Variants in ZNF490 observed in about 807,000 individuals in gnomAD.
The protein encoded by ZNF490 is zinc finger protein 490.
ZNF490 carries 11 observed loss-of-function variants against 17.7 expected under a neutral mutation model. The observed-to-expected ratio is 0.62, with a 90% CI of 0.39 to 1.03. The LOEUF (loss-of-function observed/expected upper bound fraction) is 1.03. ZNF490 is among the 50% of genes least tolerant of loss of function. ZNF490 has a pLI of 0.00. For missense variants in ZNF490, 542 were observed against 643.4 expected (o/e 0.84, Z 1.71); for synonymous variants, 222 against 216.1 (o/e 1.03, Z -0.24).
chr19:12,584,298 A>G lies in ZNF490; in HGVS notation c.163-742T>C, dbSNP rs548622977. 6.7e-5 allele frequency among the ~76,000 whole-genome samples: 6 copies of G among 90,020 alleles called. No individual in the cohort carries two copies. In the South Asian group the frequency reaches 1.8e-3, roughly 27 times the overall value. The allele number at this position is 90,020 out of a possible 152,430, so 59.1% of individuals were successfully genotyped here. On this transcript the variant is annotated intron_variant, in intron 2 of 4. Transcript: ENST00000311437. ...CAACCTCCCAAGTAGCTGGGACTAC[A>G]GGCGCGTGCCACCACGCCCAGCTAA...
Position 12,610,797 on chromosome 19 carries a change from G to C in ZNF490, c.-117C>G. The C allele has an allele frequency of 9.2e-7, 1 of 1,084,722 alleles. No homozygotes were observed. The highest frequency in any genetic ancestry group is 1.4e-6 in the Non-Finnish European group (1 of 721,262). The allele number at this position is 1,084,722 out of a possible 1,614,324, so 67.2% of individuals were successfully genotyped here. A position where few individuals can be genotyped will look rare whatever the true frequency, so the allele number is the denominator to read the frequency against. On this transcript the variant is annotated 5_prime_UTR_variant, in exon 1 of 5. Transcript: ENST00000311437. ...AGGGCACCAGTTCCGTCCCACCGGC[G>C]GAAGCGAGATCTGCCTAGCTACTAG...
At chr19:12,598,536 G>A (rs921906729) in intron 2 of ZNF490, among the ~76,000 whole-genome samples, 1 of 150,980 alleles carries the variant, frequency 6.6e-6, no homozygotes, top group African/African-American at 2.4e-5. Flanking sequence ...CACCACGCCC[G>A]GCTAATTTTG....
At chr19:12,587,123 C>T (rs1272322846) in intron 2 of ZNF490, among the ~76,000 whole-genome samples, 3 of 80,520 alleles carry the variant, frequency 3.7e-5, no homozygotes, top group South Asian at 3.2e-4. Context: ...GCAAGAAATT[C>T]GCTTTTTTTT....
In ZNF490 at chr19:12,583,459, C is replaced by T. The variant is rs559519106; in HGVS notation, c.260G>A (p.Arg87Gln). Reference sequence around the variant, plus strand: ...ACAGGCCAGGTTCTTGAAGGTTGCCCGCATCACATCTCTGTAGATATTCCT... The same window carrying T: ...ACAGGCCAGGTTCTTGAAGGTTGCCTGCATCACATCTCTGTAGATATTCCT... ...GQRNIYRDVM[R>Q]ATFKNLACIG... Residue 87 changes from arginine (R) to glutamine (Q), a missense_variant, in exon 3 of 5, where the codon CGG becomes CAG. Arg to Gln is a conservative substitution (Grantham distance 43). Transcript: ENST00000311437. 46 of 1,605,178 alleles carry T rather than the reference C, an allele frequency of 2.9e-5. No homozygotes were observed. The highest frequency in any genetic ancestry group is 9.0e-5 in the East Asian group (4 of 44,264).
rs2022711389 is a variant in ZNF490 at position 12,580,345 on chromosome 19, A to T, written c.*140T>A. 6 of 1,460,076 alleles carry T rather than the reference A, an allele frequency of 4.1e-6. No individual in the cohort carries two copies. The highest frequency in any genetic ancestry group is 5.4e-6 in the Non-Finnish European group (6 of 1,111,968). The allele number at this position is 1,460,076 out of a possible 1,614,324, so 90.4% of individuals were successfully genotyped here. On this transcript the variant is annotated 3_prime_UTR_variant, in exon 5 of 5. Coordinates refer to ENST00000311437, the MANE Select transcript of ZNF490 (RefSeq NM_020714.3). ...TTGTTAAATATTTCATTGCCGCATG[A>T]GTCACGTCTTCAAAGGGAATTAGGA...
At chr19:12,601,958 C>T (rs961986353) in intron 2 of ZNF490, among the ~76,000 whole-genome samples, 10 of 151,242 alleles carry the variant, frequency 6.6e-5, no homozygotes, top group East Asian at 2.0e-4. Context: ...CGCACCACTG[C>T]ACTCCAGCCT....
chr19:12,582,808 A>G (rs752661522), intron 4 of ZNF490, 42 bp downstream of exon 4: 1 of 1,409,048 alleles, frequency 7.1e-7, no homozygotes, highest in Non-Finnish European at 1.0e-6. Flanking sequence ...AAATACTAAG[A>G]TTCTCTCAGG....
chr19:12,589,877 T>C (rs1456005823), intron 2 of ZNF490, among the ~76,000 whole-genome samples: 1 of 93,746 alleles, frequency 1.1e-5, no homozygotes, highest in Non-Finnish European at 2.6e-5. Flanking sequence ...CATTCATGTA[T>C]GTATGTATGT....
intron 2 of ZNF490, among the ~76,000 whole-genome samples, chr19:12,594,001 A>G (rs986162733): frequency 2.0e-5 from 3 of 152,226 alleles, no homozygotes; most frequent in Non-Finnish European, 2.9e-5. Flanking sequence ...GTAGAGTCAC[A>G]TGCCCAGGGC....
chr19:12,583,674 C>T (rs1370347119), intron 2 of ZNF490, 118 bp from the exon 3 acceptor site: 3 of 1,078,232 alleles, frequency 2.8e-6, no homozygotes, highest in African/African-American at 3.3e-5. Flanking sequence ...AGTGGTATAA[C>T]TTGGTTGTCA....
intron 2 of ZNF490, 44 bp from the exon 3 acceptor site, chr19:12,583,600 G>A (rs779154443): frequency 6.6e-6 from 10 of 1,513,228 alleles, no homozygotes; most frequent in Middle Eastern, 3.7e-4. Flanking sequence ...AGAGAGATTC[G>A]CAGTAGTGAG....
At position 12,609,142 on chromosome 19, in the gene ZNF490, T is replaced by TAGCTGTC; in HGVS notation, c.162+15_162+16insGACAGCT. 4 of 1,613,682 alleles carry TAGCTGTC rather than the reference T, an allele frequency of 2.5e-6. No homozygotes were observed. Among genetic ancestry groups the TAGCTGTC allele is most frequent in the Non-Finnish European group, 3.4e-6 (4 of 1,179,640 alleles). On this transcript the variant is annotated intron_variant, in intron 2 of 4. Coordinates refer to ENST00000311437, the MANE Select transcript of ZNF490 (RefSeq NM_020714.3). ...CAAGGAAGGTAGCCACGCTGACAGG[T>TAGCTGTC]AGCGATCTCACTTACAGTTTGAGTC...
At chr19:12,604,213 C>T (rs966929451) in intron 2 of ZNF490, among the ~76,000 whole-genome samples, 4 of 152,214 alleles carry the variant, frequency 2.6e-5, no homozygotes, top group Admixed American at 6.5e-5. Flanking sequence ...TCATTCGTAT[C>T]ATTTAAAATA....
chr19:12,606,375 C>T (rs1481154196), intron 2 of ZNF490, among the ~76,000 whole-genome samples: 4 of 144,128 alleles, frequency 2.8e-5, no homozygotes, highest in African/African-American at 7.8e-5. Flanking sequence ...GACAGGGTCT[C>T]TATCTGTTGC....
At chr19:12,593,008 C>T (rs1342097251) in intron 2 of ZNF490, among the ~76,000 whole-genome samples, 2 of 152,158 alleles carry the variant, frequency 1.3e-5, no homozygotes, top group East Asian at 3.8e-4. Flanking sequence ...CTTCGTGAGC[C>T]AGAGACTGGT....
chr19:12,598,278 TAAG>T (rs2022959180), intron 2 of ZNF490, among the ~76,000 whole-genome samples: 1 of 151,998 alleles, frequency 6.6e-6, no homozygotes, highest in Non-Finnish European at 1.5e-5. Flanking sequence ...CTCAGGATTT[TAAG>T]AAAAAGTGTG....
intron 2 of ZNF490, among the ~76,000 whole-genome samples, chr19:12,604,305 C>G (rs2023041559): frequency 6.6e-6 from 1 of 151,446 alleles, no homozygotes; most frequent in African/African-American, 2.4e-5. Flanking sequence ...CACTTGAGGT[C>G]AGGAGTTCAA....
Position 12,580,392 on chromosome 19 carries a change from C to T in ZNF490, c.*93G>A, listed in dbSNP as rs2022712348. ...AGGACAACTGAAGGCTTAATCACAC[C>T]GTTTACATTCCTTGAATTTCTCTCC... On this transcript the variant is annotated 3_prime_UTR_variant, in exon 5 of 5. Coordinates refer to ENST00000311437, the MANE Select transcript of ZNF490 (RefSeq NM_020714.3). The T allele has an allele frequency of 1.5e-5, 22 of 1,496,654 alleles. No homozygotes were observed. The highest frequency in any genetic ancestry group is 2.3e-5 in the East Asian group (1 of 43,964). The allele number at this position is 1,496,654 out of a possible 1,614,324, so 92.7% of individuals were successfully genotyped here. A position where few individuals can be genotyped will look rare whatever the true frequency, so the allele number is the denominator to read the frequency against.
chr19:12,610,095 C>T (rs757766573), intron 1 of ZNF490: 57 of 392,848 alleles, frequency 1.5e-4, no homozygotes, highest in Non-Finnish European at 2.7e-4. Context: ...TTACTGAGCA[C>T]GTCTCATAGA....
Sources: allele counts gnomAD v4.1 joint callset (sites outside exome capture counted in the v4.1 genomes callset), GRCh38; gene constraint gnomAD v4.1.1; transcripts MANE v1.5; gene names NCBI Gene and HGNC (gene_info 2026-07-23, HGNC 2026-07-21).